Variants in RYR2 observed in about 807,000 individuals in gnomAD.
RYR2 encodes the protein cardiac muscle ryanodine receptor-calcium release channel.
In RYR2, 227 loss-of-function variants were observed where a neutral mutation model predicts 601.1. That is an observed-to-expected ratio of 0.38 (90% confidence interval 0.34 to 0.42). The LOEUF (loss-of-function observed/expected upper bound fraction) is 0.42, where lower values mean the gene tolerates loss of function less well. RYR2 is among the 10% of genes least tolerant of loss of function. RYR2 has a pLI of 1.00. For synonymous variants in RYR2, 2,223 were observed against 2,175.1 expected (o/e 1.02, Z -0.61); for missense variants, 4,646 against 6,156.5 (o/e 0.75, Z 8.21).
chr1:237,268,146 C>T (rs1572415505), intron 1 of RYR2, among the ~76,000 whole-genome samples: 1 of 152,260 alleles, frequency 6.6e-6, no homozygotes, highest in African/African-American at 2.4e-5. Context: ...CATTCCCAAA[C>T]TGTCTTTAGT....
At position 237,756,360 on chromosome 1, in the gene RYR2, G is replaced by T. The variant is rs536555602; in HGVS notation, c.11218G>T (p.Val3740Leu). The change falls in exon 81 of 105, where the codon GTG becomes TTG. Residue 3740 changes from valine to leucine, a missense_variant. Val to Leu is a conservative substitution (Grantham distance 32). Around this residue, in one of 17 missense-constraint regions of RYR2, gnomAD observed 1,497 missense variants for 1,842.6 expected, o/e 0.81. Transcript: ENST00000366574. The stretch of plus-strand genomic sequence containing the variant: ...CCACGATCGTGGCGCGGCTGAGATG[G>T]TGCTACAGACAATCAGTGCCAGCAA... ...RLHDRGAAEM[V>L]LQTISASKGE... The T allele has an allele frequency of 6.2e-7, 1 of 1,613,070 alleles. No homozygotes were observed. The highest frequency in any genetic ancestry group is 1.3e-5 in the African/African-American group (1 of 75,010).
intron 88 of RYR2, among the ~76,000 whole-genome samples, chr1:237,779,882 C>T (rs1053586008): frequency 6.6e-6 from 1 of 152,160 alleles, no homozygotes. Flanking sequence ...CGAGCAGGAG[C>T]TCAGTAGAGT....
intron 1 of RYR2, among the ~76,000 whole-genome samples, chr1:237,068,712 A>G (rs1257876636): frequency 6.6e-6 from 1 of 152,208 alleles, no homozygotes; most frequent in Non-Finnish European, 1.5e-5. Flanking sequence ...TGAAGCAAAT[A>G]TGTAAATTAA....
chr1:237,425,185 A>G (rs1488241933), intron 12 of RYR2, among the ~76,000 whole-genome samples: 1 of 152,140 alleles, frequency 6.6e-6, no homozygotes, highest in Non-Finnish European at 1.5e-5. Flanking sequence ...GAAAATACAA[A>G]AAAAAGTAGG....
At position 237,809,093 on chromosome 1, in the gene RYR2, A is replaced by G. The variant is rs1341702657; in HGVS notation, c.14433+58A>G. The G allele has an allele frequency of 4.0e-5, 59 of 1,457,990 alleles. No homozygotes were observed. The Admixed American group carries it at 9.7e-4, about 24-fold the overall frequency. The allele number at this position is 1,457,990 out of a possible 1,614,324, so 90.3% of individuals were successfully genotyped here. ...AAAATGTCTCCTGCTTCTGCAGTCT[A>G]AGTAATTGTGTATTTATTCTCTAAC... On this transcript the variant is annotated intron_variant, in intron 100 of 104. Coordinates refer to ENST00000366574, the MANE Select transcript of RYR2 (RefSeq NM_001035.3).
intron 2 of RYR2, among the ~76,000 whole-genome samples, chr1:237,298,295 G>A (rs575260331): frequency 4.6e-5 from 7 of 152,192 alleles, no homozygotes; most frequent in Admixed American, 6.5e-5. Context: ...TCAGGAGGGC[G>A]GAGTTTCATG....
At chr1:237,044,344 T>C (rs1335633381) in intron 1 of RYR2, among the ~76,000 whole-genome samples, 1 of 152,218 alleles carries the variant, frequency 6.6e-6, no homozygotes, top group Admixed American at 6.5e-5. Context: ...GTAGGCTTCA[T>C]GCACTCAAGG....
Position 237,462,329 on chromosome 1 carries a change from A to T in RYR2, c.1612+5594A>T, listed in dbSNP as rs557277749. Among the ~76,000 whole-genome samples the T allele has an allele frequency of 5.3e-5, 8 of 152,318 alleles. No individual in the cohort carries two copies. In the South Asian group the frequency reaches 1.0e-3, roughly 20 times the overall value. Reference sequence around the variant, plus strand: ...AATCTATAACAATTTTGCATTCGACATGGATATATTTCATGTGTTTTAGGT... The same window carrying T: ...AATCTATAACAATTTTGCATTCGACTTGGATATATTTCATGTGTTTTAGGT... On this transcript the variant is annotated intron_variant, in intron 16 of 104. Transcript: ENST00000366574.
chr1:237,220,167 G>A (rs573462161), intron 1 of RYR2, among the ~76,000 whole-genome samples: 3,113 of 152,280 alleles, frequency 0.02, 98 homozygotes, highest in African/African-American at 0.069. Context: ...ATTGACGTGA[G>A]AGTCAGAGGA....
In RYR2 at chr1:237,803,565, A is replaced by G. The variant is rs113197339; in HGVS notation, c.14151+1649A>G. Among the ~76,000 whole-genome samples, 607 of 152,094 alleles carry G rather than the reference A, an allele frequency of 4.0e-3. 1 individual carries two copies. Among genetic ancestry groups the G allele is most frequent in the African/African-American group, 7.1e-3 (296 of 41,506 alleles). ...ACCGACCGCCTTGGCCTCCCAAAGT[A>G]CTGGGATTACAAGCGTGAGCCACCA... On this transcript the variant is annotated intron_variant, in intron 98 of 104. Transcript: ENST00000366574.
intron 10 of RYR2, among the ~76,000 whole-genome samples, chr1:237,388,683 G>T (rs1387474336): frequency 6.6e-6 from 1 of 151,862 alleles, no homozygotes; most frequent in Non-Finnish European, 1.5e-5. Flanking sequence ...TAATTTATTT[G>T]GCACTGGGAC....
intron 1 of RYR2, among the ~76,000 whole-genome samples, chr1:237,116,078 A>G (rs1305306300): frequency 2.0e-5 from 3 of 152,200 alleles, no homozygotes; most frequent in African/African-American, 7.2e-5. Flanking sequence ...GAATCTGAAT[A>G]TCTTTTATTT....
chr1:237,199,068 C>T (rs888886531), intron 1 of RYR2, among the ~76,000 whole-genome samples: 1 of 151,996 alleles, frequency 6.6e-6, no homozygotes, highest in African/African-American at 2.4e-5. Flanking sequence ...GGTTCCTTGC[C>T]GGGGTCCTGC....
chr1:237,633,502 T>C, intron 42 of RYR2, 76 bp from the exon 43 acceptor site: 1 of 1,570,408 alleles, frequency 6.4e-7, no homozygotes, highest in Non-Finnish European at 8.7e-7. Context: ...GACGATGTGA[T>C]TGAGACCTCA....
At chr1:237,382,921 T>C in intron 8 of RYR2, among the ~76,000 whole-genome samples, 1 of 151,766 alleles carries the variant, frequency 6.6e-6, no homozygotes, top group Admixed American at 6.6e-5. Context: ...TTTGTTTTTT[T>C]TTTTTCAGAA....
chr1:237,588,421 ATTC>A (rs1674773148), intron 29 of RYR2, among the ~76,000 whole-genome samples: 1 of 152,224 alleles, frequency 6.6e-6, no homozygotes. Flanking sequence ...TTGTTGGCTT[ATTC>A]TTAGGATCCA....
chr1:237,456,766 G>A, intron 16 of RYR2, 31 bp downstream of exon 16: 1 of 1,610,318 alleles, frequency 6.2e-7, no homozygotes, highest in East Asian at 2.2e-5. Flanking sequence ...CATAGCAACA[G>A]AGTTATCTAT....
intron 14 of RYR2, among the ~76,000 whole-genome samples, chr1:237,446,362 T>C (rs1708338256): frequency 1.3e-5 from 2 of 152,122 alleles, no homozygotes; most frequent in African/African-American, 4.8e-5. Context: ...TTGACCATCT[T>C]TCTTCATTTA....
chr1:237,630,108 A>G (rs1436021195), intron 41 of RYR2, among the ~76,000 whole-genome samples: 2 of 152,166 alleles, frequency 1.3e-5, no homozygotes, highest in East Asian at 3.8e-4. Context: ...TTAACACACA[A>G]CAGTAATATG....
Sources: gnomAD v4.1 joint callset for allele counts (sites outside exome capture counted in the v4.1 genomes callset) on GRCh38, gnomAD v4.1.1 for gene constraint, gnomAD v4.1.1 regional missense constraint, MANE v1.5 for transcripts, NCBI Gene and HGNC (gene_info 2026-07-23, HGNC 2026-07-21) for gene names.